ATR: variants seen among roughly 807,000 people sequenced by gnomAD.
ATR encodes the protein serine/threonine-protein kinase ATR.
Under a neutral mutation model 305.3 loss-of-function variants are expected in ATR, and 142 were observed. The ratio of observed to expected loss-of-function variants is 0.47; its 90% CI spans 0.41 to 0.53. The LOEUF is 0.53. ATR is among the 20% of genes least tolerant of loss of function. ATR has a pLI of 0.00. For synonymous variants in ATR, 1,050 were observed against 1,068.1 expected, an observed-to-expected ratio of 0.98 and a Z score of 0.33; for missense variants, 2,135 against 3,133.1, an observed-to-expected ratio of 0.68 and a Z score of 7.60.
rs754576598 is a variant in ATR, at chr3:142,554,022, G to A, written c.2342-7C>T. 1 of 1,596,232 alleles carries A rather than the reference G, an allele frequency of 6.3e-7. No individual in the cohort carries two copies. Among genetic ancestry groups the A allele is most frequent in the Non-Finnish European group, 8.6e-7 (1 of 1,168,126 alleles). ...TGTAGATTATCTATGAAAGCTGAAG[G>A]ACAAGAGTATACAATACCTAATTTA... On this transcript the variant is annotated splice_polypyrimidine_tract_variant and splice_region_variant and intron_variant, in intron 10 of 46. Transcript: ENST00000350721.
Position 142,498,737 on chromosome 3 carries a change from C to A in ATR, c.5418G>T (p.Gln1806His). 6.2e-7 allele frequency: 1 copy of A among 1,614,122 alleles called. No individual in the cohort carries two copies. Among genetic ancestry groups the A allele is most frequent in the Non-Finnish European group, 8.5e-7 (1 of 1,179,998 alleles). The change falls in exon 32 of 47, where the codon CAG (glutamine) becomes CAT (histidine). Residue 1806 changes from glutamine to histidine, a missense_variant. Transcript: ENST00000350721. ...CTCTTTTTTTGGCTGATAATAATAG[C>A]TGTCCCAGTCTGACACTCCATGTTG... ...KSTTWSVRLG[Q>H]LLLSAKKRDI... is the part of the protein sequence containing the mutation.
In ATR at chr3:142,550,266, C is replaced by G; in HGVS notation, c.2842G>C (p.Ala948Pro). The change falls in exon 14 of 47, where the codon GCA (alanine) becomes CCA (proline). Residue 948 changes from alanine (A) to proline (P), a missense_variant. This residue lies in a region of ATR where 530 missense variants were observed against 766.8 expected (regional missense o/e 0.69). Transcript: ENST00000350721. ...VESLHSSQMT[A>P]LPNTPCQNAD... ...TTCTGGCATGGAGTATTCGGAAGTG[C>G]TGTCATCTGACTAGAGTGAAGGGAT... 6.2e-7 allele frequency: 1 copy of G among 1,614,160 alleles called. No individual in the cohort carries two copies. Among genetic ancestry groups the G allele is most frequent in the Non-Finnish European group, 8.5e-7 (1 of 1,179,994 alleles).
At position 142,560,405 on chromosome 3, in the gene ATR, T is replaced by C; in HGVS notation, c.1399A>G (p.Lys467Glu). ...NQKSILWSAL[K>E]QKAESLQISL... ...ATCTGAAGGGATTCAGCTTTCTGTT[T>C]CAGTGCACTCCATAATATGCTCTTT... Residue 467 changes from lysine to glutamate, a missense_variant, in exon 6 of 47, where the codon AAA (lysine) becomes GAA (glutamate). By Grantham distance (56) the Lys-to-Glu change is moderately conservative. Transcript: ENST00000350721. The C allele has an allele frequency of 1.2e-6, 2 of 1,613,746 alleles. No homozygotes were observed. Among genetic ancestry groups the C allele is most frequent in the Non-Finnish European group, 1.7e-6 (2 of 1,179,734 alleles).
intron 21 of ATR, among the ~76,000 whole-genome samples, chr3:142,529,832 A>C (rs937054842): frequency 3.3e-5 from 5 of 152,188 alleles, no homozygotes; most frequent in African/African-American, 1.2e-4. Flanking sequence ...TTTTTGAAAA[A>C]AAATTTTTTG....
intron 1 of ATR, among the ~76,000 whole-genome samples, chr3:142,576,238 G>A (rs912010431): frequency 6.6e-6 from 1 of 152,294 alleles, no homozygotes; most frequent in East Asian, 1.9e-4. Context: ...GCATATTTAC[G>A]ATAACACAGG....
chr3:142,465,294 T>A (rs2108271686), intron 40 of ATR, 54 bp from the exon 41 acceptor site: 1 of 1,445,276 alleles, frequency 6.9e-7, no homozygotes, highest in Admixed American at 1.7e-5. Flanking sequence ...TGTGTAAATG[T>A]CTATATATTA....
At chr3:142,543,449 C>A (rs187983815) in intron 16 of ATR, among the ~76,000 whole-genome samples, 24 of 147,778 alleles carry the variant, frequency 1.6e-4, no homozygotes, top group South Asian at 1.1e-3. Flanking sequence ...TTTCTTCCTC[C>A]CTCCTTTCCT....
At chr3:142,480,572 T>C (rs568400104) in intron 36 of ATR, among the ~76,000 whole-genome samples, 1 of 152,314 alleles carries the variant, frequency 6.6e-6, no homozygotes, top group South Asian at 2.1e-4. Flanking sequence ...AGTGCTCAGA[T>C]CTCAAACTCC....
chr3:142,548,433 C>T (rs1205058609), intron 15 of ATR, among the ~76,000 whole-genome samples: 1 of 152,120 alleles, frequency 6.6e-6, no homozygotes, highest in African/African-American at 2.4e-5. Flanking sequence ...CTTTGGGAGG[C>T]CAAGGCAGGT....
chr3:142,452,532 G>T, intron 46 of ATR: 3 of 606,136 alleles, frequency 4.9e-6, no homozygotes, highest in Non-Finnish European at 6.2e-6. Context: ...TAATTAGCCA[G>T]CTGTGGTGGT....
intron 35 of ATR, among the ~76,000 whole-genome samples, chr3:142,491,771 C>T (rs2031291877): frequency 6.6e-6 from 1 of 152,208 alleles, no homozygotes; most frequent in Non-Finnish European, 1.5e-5. Flanking sequence ...AAGATTAGCA[C>T]TGTCTGTGCC....
chr3:142,498,628 A>T lies in ATR; in HGVS notation c.5527T>A (p.Ser1843Thr), dbSNP rs2108340789. The change falls in exon 32 of 47, where the codon TCC (serine) becomes ACC (threonine). Residue 1843 changes from serine (S) to threonine (T), a missense_variant. Around this residue, in one of 9 missense-constraint regions of ATR, gnomAD observed 117 missense variants for 198.3 expected, o/e 0.59. Transcript: ENST00000350721. ...PLSAASFERGSYQRGYEYIVR... is the reference protein window; with the variant it reads ...PLSAASFERGTYQRGYEYIVR... Reference sequence around the variant, plus strand: ...ATATATTCATATCCTCGTTGGTAGGAGCCTCTTTCAAAGCTTGCAGCTGAA... The same window carrying T: ...ATATATTCATATCCTCGTTGGTAGGTGCCTCTTTCAAAGCTTGCAGCTGAA... 6.2e-7 allele frequency: 1 copy of T among 1,613,956 alleles called. No individual in the cohort carries two copies. The highest frequency in any genetic ancestry group is 1.1e-5 in the South Asian group (1 of 91,062).
intron 13 of ATR, 29 bp downstream of exon 13, chr3:142,553,198 C>G (rs756387665): frequency 8.7e-6 from 14 of 1,609,694 alleles, no homozygotes; most frequent in Non-Finnish European, 1.2e-5. Context: ...CTGCTGTTGC[C>G]TATAGTCCAG....
Position 142,550,214 on chromosome 3 carries a change from G to A in ATR, c.2894C>T (p.Ala965Val). ...ATTTAAAGCCATTTCTCTCTGGTGA[G>A]CCACATCTTGTTTTCGCACGTCAGC... The part of the protein sequence containing the change: ...QNADVRKQDV[A>V]HQREMALNTL... Residue 965 changes from alanine to valine, a missense_variant, in exon 14 of 47, where the codon GCT becomes GTT. Physicochemically the swap from Ala to Val is moderately conservative, Grantham distance 64 (BLOSUM62 0). Around this residue, in one of 9 missense-constraint regions of ATR, gnomAD observed 530 missense variants for 766.8 expected, o/e 0.69. Transcript: ENST00000350721. 1 of 1,614,152 alleles carries A rather than the reference G, an allele frequency of 6.2e-7. No homozygotes were observed. The highest frequency in any genetic ancestry group is 2.2e-5 in the East Asian group (1 of 44,866).
Position 142,491,785 on chromosome 3 carries a change from T to TAG in ATR, c.6078+1346_6078+1347insCT, listed in dbSNP as rs528595740. 1.6e-4 allele frequency among the ~76,000 whole-genome samples: 25 copies of TAG among 152,356 alleles called. No homozygotes were observed. In the East Asian group the frequency reaches 4.0e-3, roughly 25 times the overall value. ...AAAGATTAGCACTGTCTGTGCCATT[T>TAG]GCTTTGGCTGTTGGTCCCATTTAGG... On this transcript the variant is annotated intron_variant, in intron 35 of 46. Coordinates refer to ENST00000350721, the MANE Select transcript of ATR (RefSeq NM_001184.4).
chr3:142,552,432 G>A (rs1376373834), intron 13 of ATR, among the ~76,000 whole-genome samples: 1 of 152,180 alleles, frequency 6.6e-6, no homozygotes, highest in African/African-American at 2.4e-5. Flanking sequence ...CACTTTGGGA[G>A]GCTGAGACGG....
In ATR at chr3:142,516,121, A is replaced by G. The variant is rs192301380; in HGVS notation, c.4383-606T>C. Among the ~76,000 whole-genome samples, 27 of 152,234 alleles carry G rather than the reference A, an allele frequency of 1.8e-4. No homozygotes were observed. In the East Asian group the frequency reaches 5.0e-3, roughly 28 times the overall value. On this transcript the variant is annotated intron_variant, in intron 24 of 46. Coordinates refer to ENST00000350721, the MANE Select transcript of ATR (RefSeq NM_001184.4). ...TTTTTTCACCCAGTTATTCCAGCAC[A>G]CCCATTCTCTCTTGTTGAGATCTTC...
intron 1 of ATR, among the ~76,000 whole-genome samples, chr3:142,576,498 A>G (rs2108509637): frequency 6.6e-6 from 1 of 152,348 alleles, no homozygotes; most frequent in East Asian, 1.9e-4. Context: ...ATAGTTAAGA[A>G]TGACTTCTAG....
intron 45 of ATR, among the ~76,000 whole-genome samples, chr3:142,454,311 A>T (rs1365678650): frequency 6.6e-6 from 1 of 152,170 alleles, no homozygotes; most frequent in Non-Finnish European, 1.5e-5. Flanking sequence ...TTATTTCTTG[A>T]CTGACCCAGA....
Sources: allele counts gnomAD v4.1 joint callset (sites outside exome capture counted in the v4.1 genomes callset), GRCh38; gene constraint gnomAD v4.1.1; regional missense constraint gnomAD v4.1.1; transcripts MANE v1.5; gene names NCBI Gene and HGNC (gene_info 2026-07-23, HGNC 2026-07-21).